VDR: variants seen among roughly 807,000 people sequenced by gnomAD.
The protein encoded by VDR is vitamin D receptor.
In VDR, 19 loss-of-function variants were observed where a neutral mutation model predicts 39.7. The observed-to-expected ratio is 0.48, with a 90% CI of 0.33 to 0.70. VDR has a LOEUF of 0.70. Ranked by LOEUF, VDR falls within the 30% of genes least tolerant of loss-of-function variation. The pLI is 0.02. For synonymous variants in VDR, 242 were observed against 215.8 expected, an observed-to-expected ratio of 1.12 and a Z score of -1.07; for missense variants, 442 against 570.5, an observed-to-expected ratio of 0.77 and a Z score of 2.29.
chr12:47,854,386 C>G (rs959490452), intron 7 of VDR, among the ~76,000 whole-genome samples: 1 of 152,074 alleles, frequency 6.6e-6, no homozygotes, highest in Non-Finnish European at 1.5e-5. Flanking sequence ...CTCAGTCTCT[C>G]AAAGTGTTGG....
chr12:47,872,799 G>T lies in VDR; in HGVS notation c.146+6169C>A, dbSNP rs146107082. On this transcript the variant is annotated intron_variant, in intron 3 of 9. Transcript: ENST00000549336. Reference sequence around the variant, plus strand: ...AGAGAAAAGGAAGAAAGGACCATCTGTCCTCAAAACTAAGACACTAAAAAG... The same window carrying T: ...AGAGAAAAGGAAGAAAGGACCATCTTTCCTCAAAACTAAGACACTAAAAAG... 9.0e-4 allele frequency among the ~76,000 whole-genome samples: 137 copies of T among 152,256 alleles called. 2 individuals are homozygous for T. In the East Asian group the frequency reaches 0.021, roughly 24 times the overall value.
At chr12:47,904,549 A>C in intron 1 of VDR, 1 of 1,534,450 alleles carries the variant, frequency 6.5e-7, no homozygotes, top group Non-Finnish European at 8.7e-7. Flanking sequence ...TAAGACAATA[A>C]ATAAGGTTAC....
chr12:47,898,884 T>G (rs1275128414), intron 1 of VDR: 1 of 154,132 alleles, frequency 6.5e-6, no homozygotes, highest in African/African-American at 2.4e-5. Context: ...TTAACCAAAA[T>G]TCACTTTGGG....
rs1257181329 is a variant in VDR, at chr12:47,846,392, G to C, written c.967C>G (p.Leu323Val). The C allele has an allele frequency of 1.9e-6, 3 of 1,587,328 alleles. No homozygotes were observed. In the African/African-American group the frequency reaches 4.0e-5, roughly 21 times the overall value. ...ACATGCTCCTCCTCATGCAAGTTCA[G>C]CTTCTTCAGTCCCACCTGGAACTTG... The part of the protein sequence containing the change: ...LIKFQVGLKK[L>V]NLHEEEHVLL... The change falls in exon 9 of 10, where the codon CTG (leucine) becomes GTG (valine). Residue 323 changes from leucine (L) to valine (V), a missense_variant. By Grantham distance (32) the Leu-to-Val change is conservative. This residue lies in a region of VDR where 173 missense variants were observed against 252.0 expected (regional missense o/e 0.69). Coordinates refer to ENST00000549336, the MANE Select transcript of VDR (RefSeq NM_000376.3).
chr12:47,864,396 A>G (rs536796932), intron 4 of VDR, among the ~76,000 whole-genome samples: 31 of 152,302 alleles, frequency 2.0e-4, no homozygotes, highest in African/African-American at 6.3e-4. Context: ...AGTCCTATAG[A>G]ATCACTCCTC....
rs1332720859 is a variant in VDR at position 47,843,224 on chromosome 12, A to G, written c.*1522T>C. 2 of 152,330 alleles carry G rather than the reference A, an allele frequency of 1.3e-5. No individual in the cohort carries two copies. Among genetic ancestry groups the G allele is most frequent in the Non-Finnish European group, 2.9e-5 (2 of 68,038 alleles). 9.4% of individuals were successfully genotyped at this position (152,330 alleles called of 1,614,324 possible). On this transcript the variant is annotated 3_prime_UTR_variant, in exon 10 of 10. Transcript: ENST00000549336. ...GCCAGGTGGACACCAAGGCTCTTGC[A>G]GTGTGAAGTCTGATTCCTCTCTGGG... is the stretch of plus-strand genomic sequence containing the variant.
At chr12:47,881,846 T>C (rs1184328711) in intron 2 of VDR, among the ~76,000 whole-genome samples, 1 of 152,036 alleles carries the variant, frequency 6.6e-6, no homozygotes, top group Non-Finnish European at 1.5e-5. Flanking sequence ...CCCAATATCA[T>C]TGTGGGGTAA....
In VDR at chr12:47,857,148, A is replaced by G; in HGVS notation, c.564T>C (p.Asp188=). 1 of 1,614,142 alleles carries G rather than the reference A, an allele frequency of 6.2e-7. No homozygotes were observed. Among genetic ancestry groups the G allele is most frequent in the Non-Finnish European group, 8.5e-7 (1 of 1,180,002 alleles). Residue 188 remains aspartate (D), a synonymous_variant, in exon 6 of 10, where the codon GAT becomes GAC. Transcript: ENST00000549336. ...FSGDSSSSCS[D]HCITSSDMMD... is the part of the protein sequence containing the mutation. ...GCTTACCTGAAGAGGTGATACAGTG[A>G]TCTGAGCAGGAGGAGGAGGAGTCCC... is the stretch of plus-strand genomic sequence containing the variant.
intron 3 of VDR, among the ~76,000 whole-genome samples, chr12:47,877,209 G>A (rs924229252): frequency 6.6e-6 from 1 of 152,118 alleles, no homozygotes; most frequent in Middle Eastern, 3.4e-3. Context: ...AACATAAGGA[G>A]GCCCCATCAC....
At chr12:47,887,322 C>CAA (rs10686139) in intron 1 of VDR, among the ~76,000 whole-genome samples, 7,923 of 71,924 alleles carry the variant, frequency 0.11, 770 homozygotes, top group African/African-American at 0.18. Flanking sequence ...AACTCCGTCT[C>CAA]AAAAAAAAAA....
chr12:47,883,845 C>T (rs550394466), intron 1 of VDR, among the ~76,000 whole-genome samples: 1 of 152,340 alleles, frequency 6.6e-6, no homozygotes, highest in East Asian at 1.9e-4. Context: ...TGTGAGCCGA[C>T]TGAGGCCACT....
intron 2 of VDR, among the ~76,000 whole-genome samples, chr12:47,880,244 C>T (rs1366220133): frequency 6.6e-6 from 1 of 152,132 alleles, no homozygotes; most frequent in Non-Finnish European, 1.5e-5. Context: ...AGAACCCACT[C>T]CACCCCAGGG....
At chr12:47,857,719 T>C in intron 4 of VDR, 31 bp from the exon 5 acceptor site, 2 of 1,606,814 alleles carry the variant, frequency 1.2e-6, no homozygotes, top group Non-Finnish European at 8.5e-7. Flanking sequence ...TCAGGAGGGC[T>C]GGCCAGCAGC....
At chr12:47,901,812 C>A (rs910873577) in intron 1 of VDR, among the ~76,000 whole-genome samples, 3 of 152,214 alleles carry the variant, frequency 2.0e-5, no homozygotes, top group Admixed American at 6.5e-5. Flanking sequence ...AGTTGGCAGA[C>A]CTTCCTGTCC....
At chr12:47,866,933 T>C (rs1322222388) in intron 3 of VDR, among the ~76,000 whole-genome samples, 1 of 151,724 alleles carries the variant, frequency 6.6e-6, no homozygotes, top group African/African-American at 2.4e-5. Context: ...GAGGTAGAGG[T>C]TGCAGTAGGC....
chr12:47,857,368 C>T (rs751610542), intron 5 of VDR, 119 bp from the exon 6 acceptor site: 6 of 1,602,238 alleles, frequency 3.7e-6, no homozygotes, highest in Admixed American at 1.7e-5. Flanking sequence ...CCTCCCAGTG[C>T]CAGGGGCAGA....
intron 3 of VDR, among the ~76,000 whole-genome samples, chr12:47,866,261 C>G (rs1012494049): frequency 6.6e-6 from 1 of 151,808 alleles, no homozygotes; most frequent in East Asian, 2.0e-4. Flanking sequence ...GCGCCCACCA[C>G]CGCACCCGGC....
In VDR at chr12:47,900,316, A is replaced by T. The variant is rs140561423; in HGVS notation, c.-84+4639T>A. Among the ~76,000 whole-genome samples, 360 of 152,300 alleles carry T rather than the reference A, an allele frequency of 2.4e-3. 3 individuals carry two copies. The highest frequency in any genetic ancestry group is 1.0e-3 in the Non-Finnish European group (69 of 68,010). On this transcript the variant is annotated intron_variant, in intron 1 of 9. Coordinates refer to ENST00000549336, the MANE Select transcript of VDR (RefSeq NM_000376.3). ...TCAACTTGTTCAAACTAGTTAGTAC[A>T]TCTAACCTCTCAGCTCATAAACATT...
chr12:47,847,125 T>A (rs1335929758), intron 7 of VDR, among the ~76,000 whole-genome samples: 3 of 152,052 alleles, frequency 2.0e-5, no homozygotes, highest in Non-Finnish European at 4.4e-5. Context: ...GAGGCATGAA[T>A]ATGGTGGTCT....
Sources: gnomAD v4.1 joint callset for allele counts (sites outside exome capture counted in the v4.1 genomes callset) on GRCh38, gnomAD v4.1.1 for gene constraint, gnomAD v4.1.1 regional missense constraint, MANE v1.5 for transcripts, NCBI Gene and HGNC (gene_info 2026-07-23, HGNC 2026-07-21) for gene names.